RBMS2: variants seen among roughly 807,000 people sequenced by gnomAD.
The protein encoded by RBMS2 is RNA-binding motif, single-stranded-interacting protein 2.
In RBMS2, 38 loss-of-function variants were observed where a neutral mutation model predicts 58.4. The observed-to-expected ratio is 0.65, with a 90% confidence interval of 0.50 to 0.85. The LOEUF (loss-of-function observed/expected upper bound fraction) is 0.85. Ranked by LOEUF, RBMS2 falls within the 40% of genes least tolerant of loss-of-function variation. RBMS2 has a pLI of 0.00. For missense variants in RBMS2, 367 were observed against 503.7 expected, an observed-to-expected ratio of 0.73 and a Z score of 2.60; for synonymous variants, 151 against 180.7, an observed-to-expected ratio of 0.84 and a Z score of 1.32.
At chr12:56,563,450 A>T (rs1391349992) in intron 2 of RBMS2, among the ~76,000 whole-genome samples, 1 of 152,220 alleles carries the variant, frequency 6.6e-6, no homozygotes, top group Non-Finnish European at 1.5e-5. Flanking sequence ...GGAGACCTCA[A>T]ATTAGCAGAT....
At chr12:56,550,290 G>T (rs1878015683) in intron 1 of RBMS2, among the ~76,000 whole-genome samples, 1 of 152,146 alleles carries the variant, frequency 6.6e-6, no homozygotes, top group Admixed American at 6.6e-5. Flanking sequence ...AGCCCTTTGG[G>T]AGGCTGAGGT....
chr12:56,586,315 G>C (rs1884661652), intron 9 of RBMS2, among the ~76,000 whole-genome samples: 1 of 151,260 alleles, frequency 6.6e-6, no homozygotes, highest in Non-Finnish European at 1.5e-5. Context: ...TTGGGTGACA[G>C]AGCAAGATCC....
upstream of RBMS2, among the ~76,000 whole-genome samples, chr12:56,521,415 A>G (rs1347389075): frequency 7.3e-6 from 1 of 136,854 alleles, no homozygotes; most frequent in African/African-American, 2.6e-5. Flanking sequence ...GTGACAGACT[A>G]AAACTCTGTC....
intron 11 of RBMS2, 105 bp from the exon 12 acceptor site, chr12:56,588,189 C>T: frequency 1.1e-6 from 1 of 894,080 alleles, no homozygotes; most frequent in Non-Finnish European, 1.8e-6. Flanking sequence ...AAAATAGAAT[C>T]TCTGGGGTAG....
At position 56,567,694 on chromosome 12, in the gene RBMS2, C is replaced by T. The variant is rs539382243; in HGVS notation, c.234-1281C>T. On this transcript the variant is annotated intron_variant, in intron 2 of 13. Coordinates refer to ENST00000262031, the MANE Select transcript of RBMS2 (RefSeq NM_002898.4). ...TCTACAAATAATTTTTAAAATTAGC[C>T]GGACATTGTGGTACACACCTTTGGT... Among the ~76,000 whole-genome samples the T allele has an allele frequency of 1.9e-3, 288 of 151,628 alleles. 4 individuals carry two copies. Among genetic ancestry groups the T allele is most frequent in the African/African-American group, 6.1e-3 (253 of 41,328 alleles).
intron 1 of RBMS2, among the ~76,000 whole-genome samples, chr12:56,523,658 G>C (rs1316391054): frequency 6.6e-6 from 1 of 152,126 alleles, no homozygotes. Context: ...TACTCAGGAG[G>C]CTGAAGCAGG....
intron 1 of RBMS2, among the ~76,000 whole-genome samples, chr12:56,529,491 G>A (rs1414713916): frequency 6.6e-6 from 1 of 152,150 alleles, no homozygotes; most frequent in Non-Finnish European, 1.5e-5. Flanking sequence ...TTGAGGCTGG[G>A]AGGTGGAGAC....
At chr12:56,588,877 G>C in intron 12 of RBMS2, 55 bp from the exon 13 acceptor site, 2 of 1,566,636 alleles carry the variant, frequency 1.3e-6, no homozygotes, top group Non-Finnish European at 1.8e-6. Flanking sequence ...GGCTGCTGTA[G>C]TGGAGGTGAG....
At chr12:56,543,702 C>G (rs1211887222) in intron 1 of RBMS2, among the ~76,000 whole-genome samples, 1 of 151,172 alleles carries the variant, frequency 6.6e-6, no homozygotes, top group Non-Finnish European at 1.5e-5. Flanking sequence ...TGCCCTGTCC[C>G]CCAGGCTGGA....
At position 56,571,752 on chromosome 12, in the gene RBMS2, G is replaced by A; in HGVS notation, c.439G>A (p.Asp147Asn). 6.3e-7 allele frequency: 1 copy of A among 1,598,852 alleles called. No homozygotes were observed. The highest frequency in any genetic ancestry group is 8.5e-7 in the Non-Finnish European group (1 of 1,171,578). Residue 147 changes from aspartate to asparagine, a missense_variant, in exon 5 of 14, where the codon GAT becomes AAT. Coordinates refer to ENST00000262031, the MANE Select transcript of RBMS2 (RefSeq NM_002898.4). ...CATCTCAAACCTCCCACTGTCAATG[G>A]ATGAGCAGGAACTGGAGGGGATGCT... The part of the protein sequence containing the change: ...LYISNLPLSM[D>N]EQELEGMLKP...
At chr12:56,562,369 A>G (rs1323615119) in intron 1 of RBMS2, 48 bp from the exon 2 acceptor site, 2 of 1,519,442 alleles carry the variant, frequency 1.3e-6, no homozygotes, top group East Asian at 2.3e-5. Context: ...TCACTCTCCA[A>G]CATGTAAATG....
intron 11 of RBMS2, 79 bp from the exon 12 acceptor site, chr12:56,588,215 A>G: frequency 1.7e-6 from 2 of 1,149,886 alleles, no homozygotes; most frequent in African/African-American, 1.5e-5. Context: ...AGGTGTCAGT[A>G]TTTTTTTTAA....
At chr12:56,578,351 A>G (rs1030923335) in intron 5 of RBMS2, among the ~76,000 whole-genome samples, 3 of 151,712 alleles carry the variant, frequency 2.0e-5, no homozygotes, top group Non-Finnish European at 4.4e-5. Flanking sequence ...CTGGTCTCGA[A>G]CTCCTGGCCT....
chr12:56,588,436 CT>C (rs1284419259), intron 12 of RBMS2, 62 bp downstream of exon 12: 81 of 1,422,464 alleles, frequency 5.7e-5, no homozygotes, highest in East Asian at 3.2e-4. Context: ...AGGTTTCCCC[CT>C]GATCAAGATC....
chr12:56,585,868 T>C (rs1233486524), intron 9 of RBMS2, among the ~76,000 whole-genome samples: 1 of 152,200 alleles, frequency 6.6e-6, no homozygotes, highest in East Asian at 1.9e-4. Flanking sequence ...TGTAAAACAC[T>C]TGTTATTCTA....
intron 1 of RBMS2, among the ~76,000 whole-genome samples, chr12:56,530,399 T>G (rs1378119587): frequency 6.9e-6 from 1 of 144,410 alleles, no homozygotes; most frequent in Non-Finnish European, 1.5e-5. Context: ...TTTGCTCTGT[T>G]GCCCAGGCTG....
intron 5 of RBMS2, among the ~76,000 whole-genome samples, chr12:56,579,983 G>A (rs1000492357): frequency 2.6e-5 from 4 of 152,088 alleles, no homozygotes; most frequent in Non-Finnish European, 4.4e-5. Context: ...AGGCTGGAGT[G>A]CAGTGGCATG....
chr12:56,578,127 ATTTT>A (rs917088765), intron 5 of RBMS2, among the ~76,000 whole-genome samples: 3 of 145,904 alleles, frequency 2.1e-5, no homozygotes, highest in Non-Finnish European at 4.6e-5. Flanking sequence ...CCTGGCCCAA[ATTTT>A]TTTTTTTATT....
At chr12:56,564,610 T>C (rs1880998849) in intron 2 of RBMS2, among the ~76,000 whole-genome samples, 1 of 152,164 alleles carries the variant, frequency 6.6e-6, no homozygotes, top group African/African-American at 2.4e-5. Context: ...TCATTCCTCC[T>C]GCCTCGGCCT....
Sources: allele counts gnomAD v4.1 joint callset (sites outside exome capture counted in the v4.1 genomes callset), GRCh38; gene constraint gnomAD v4.1.1; transcripts MANE v1.5; gene names NCBI Gene and HGNC (gene_info 2026-07-23, HGNC 2026-07-21).